CNTNAP2: variants seen among roughly 807,000 people sequenced by gnomAD.
CNTNAP2 encodes the protein contactin-associated protein-like 2.
A neutral mutation model predicts 155.2 loss-of-function variants in CNTNAP2; 98 were observed. The observed-to-expected ratio is 0.63, with a 90% CI of 0.54 to 0.75. The LOEUF is 0.75. Among genes scored for constraint, CNTNAP2 ranks in the 30% least tolerant of loss-of-function variants. The pLI, the probability that CNTNAP2 is intolerant of heterozygous loss-of-function variation, is 0.00. For synonymous variants in CNTNAP2, 651 were observed against 631.2 expected, an observed-to-expected ratio of 1.03 and a Z score of -0.47; for missense variants, 1,727 against 1,688.1, an observed-to-expected ratio of 1.02 and a Z score of -0.40.
intron 1 of CNTNAP2, among the ~76,000 whole-genome samples, chr7:146,483,302 T>TATATATGTATATATATATATATATATAC (rs1797000746): frequency 1.3e-5 from 1 of 74,344 alleles, no homozygotes; most frequent in Non-Finnish European, 2.4e-5. Context: ...TATATATATA[T>TATATATGTATATATATATATATATATAC]ATATATATAT....
chr7:146,451,880 C>CATACGTGTATATATATATACGTATATAT lies in CNTNAP2; in HGVS notation c.98-322390_98-322389insTACGTGTATATATATATACGTATATATA, dbSNP rs71175650. 5.3e-3 allele frequency among the ~76,000 whole-genome samples: 563 copies of CATACGTGTATATATATATACGTATATAT among 106,152 alleles called. 96 individuals carry two copies. The highest frequency in any genetic ancestry group is 0.049 in the African/African-American group (506 of 10,226). The allele number at this position is 106,152 out of a possible 152,430, so 69.6% of individuals were successfully genotyped here. ...CTATATATATATATACGTATATATA[C>CATACGTGTATATATATATACGTATATAT]ACATATACATATATTTATTTATTTA... is the stretch of plus-strand genomic sequence containing the variant. On this transcript the variant is annotated intron_variant, in intron 1 of 23. Coordinates refer to ENST00000361727, the MANE Select transcript of CNTNAP2 (RefSeq NM_014141.6).
intron 1 of CNTNAP2, among the ~76,000 whole-genome samples, chr7:146,434,114 C>G (rs1252336681): frequency 6.6e-6 from 1 of 152,074 alleles, no homozygotes; most frequent in African/African-American, 2.4e-5. Flanking sequence ...ACAAATGATA[C>G]ATGAGGATTA....
intron 4 of CNTNAP2, among the ~76,000 whole-genome samples, chr7:147,046,720 A>G (rs1445978167): frequency 6.6e-6 from 1 of 152,112 alleles, no homozygotes; most frequent in Non-Finnish European, 1.5e-5. Flanking sequence ...CTTACAAATT[A>G]AGATATTTAG....
intron 21 of CNTNAP2, among the ~76,000 whole-genome samples, chr7:148,283,232 T>C (rs1213707552): frequency 4.2e-5 from 2 of 47,976 alleles, no homozygotes; most frequent in African/African-American, 7.5e-5. Flanking sequence ...CAAAAGCAAC[T>C]CTGTCTCAAA....
chr7:148,226,341 C>T (rs947560028), intron 19 of CNTNAP2, among the ~76,000 whole-genome samples: 14 of 152,168 alleles, frequency 9.2e-5, no homozygotes, highest in African/African-American at 3.1e-4. Context: ...GGTAGACACA[C>T]GAGCAGGGCA....
chr7:146,795,101 A>C (rs950256294), intron 2 of CNTNAP2, among the ~76,000 whole-genome samples: 2 of 152,230 alleles, frequency 1.3e-5, no homozygotes, highest in African/African-American at 4.8e-5. Context: ...TAAGTATATG[A>C]ATATAACTAT....
At chr7:146,521,050 C>G (rs981584360) in intron 1 of CNTNAP2, among the ~76,000 whole-genome samples, 1 of 151,862 alleles carries the variant, frequency 6.6e-6, no homozygotes, top group African/African-American at 2.4e-5. Context: ...AGTTCAGGAA[C>G]AAGTGTGGAG....
intron 11 of CNTNAP2, among the ~76,000 whole-genome samples, chr7:147,494,597 A>T (rs1232216708): frequency 6.6e-6 from 1 of 152,156 alleles, no homozygotes; most frequent in Non-Finnish European, 1.5e-5. Flanking sequence ...GGGAACTGGC[A>T]TTATTCATTA....
At chr7:147,958,040 A>G (rs1217361693) in intron 14 of CNTNAP2, among the ~76,000 whole-genome samples, 1 of 152,210 alleles carries the variant, frequency 6.6e-6, no homozygotes, top group Non-Finnish European at 1.5e-5. Flanking sequence ...GCACCACTGT[A>G]CTTTAGCCTA....
At chr7:147,036,393 G>A (rs1053843731) in intron 3 of CNTNAP2, among the ~76,000 whole-genome samples, 1 of 152,098 alleles carries the variant, frequency 6.6e-6, no homozygotes, top group Admixed American at 6.5e-5. Flanking sequence ...CATTGTGGAT[G>A]ACTTACAATA....
rs181751128 is a variant in CNTNAP2, at chr7:147,024,293, G to C, written c.403-19614G>C. 5.9e-5 allele frequency among the ~76,000 whole-genome samples: 9 copies of C among 152,174 alleles called. No individual in the cohort carries two copies. The South Asian group carries it at 1.5e-3, about 25-fold the overall frequency. ...ATCGCAATTGCAATGGTGGTTACAC[G>C]AATCTATGCAACTGGTAAAACCTGT... On this transcript the variant is annotated intron_variant, in intron 3 of 23. Coordinates refer to ENST00000361727, the MANE Select transcript of CNTNAP2 (RefSeq NM_014141.6).
intron 1 of CNTNAP2, among the ~76,000 whole-genome samples, chr7:146,426,299 C>CCA (rs2129115672): frequency 6.6e-6 from 1 of 150,394 alleles, no homozygotes; most frequent in East Asian, 2.0e-4. Flanking sequence ...CACCATGGTA[C>CCA]CAGAGCTCAT....
At chr7:148,012,982 G>C (rs1440534441) in intron 15 of CNTNAP2, among the ~76,000 whole-genome samples, 1 of 152,144 alleles carries the variant, frequency 6.6e-6, no homozygotes, top group Admixed American at 6.6e-5. Flanking sequence ...TTTGTAAACT[G>C]TTAGTTTAAA....
At chr7:147,291,409 T>C (rs1194082823) in intron 8 of CNTNAP2, among the ~76,000 whole-genome samples, 1 of 152,154 alleles carries the variant, frequency 6.6e-6, no homozygotes, top group East Asian at 1.9e-4. Context: ...ATTCATAAAA[T>C]ATGTTATTTT....
intron 1 of CNTNAP2, among the ~76,000 whole-genome samples, chr7:146,711,281 G>T (rs1801066254): frequency 6.9e-6 from 1 of 144,854 alleles, no homozygotes; most frequent in South Asian, 2.1e-4. Context: ...ATATATAATA[G>T]AAAACATAAA....
At chr7:148,133,141 A>G (rs1050106027) in intron 16 of CNTNAP2, among the ~76,000 whole-genome samples, 2 of 151,960 alleles carry the variant, frequency 1.3e-5, no homozygotes, top group African/African-American at 4.8e-5. Flanking sequence ...GTAAAACCCT[A>G]GGTTTCTGCA....
intron 1 of CNTNAP2, among the ~76,000 whole-genome samples, chr7:146,466,116 C>A (rs986922872): frequency 6.6e-6 from 1 of 152,060 alleles, no homozygotes; most frequent in Non-Finnish European, 1.5e-5. Context: ...AAACTAGAAT[C>A]AAAAAGTTGT....
At chr7:146,915,227 G>GTATA (rs1461156995) in intron 3 of CNTNAP2, among the ~76,000 whole-genome samples, 3 of 152,066 alleles carry the variant, frequency 2.0e-5, no homozygotes, top group African/African-American at 7.2e-5. Context: ...TTATAGTATA[G>GTATA]GTTGAAGTAG....
chr7:147,573,144 G>A (rs1326207786), intron 12 of CNTNAP2, among the ~76,000 whole-genome samples: 2 of 152,050 alleles, frequency 1.3e-5, no homozygotes, highest in South Asian at 2.1e-4. Flanking sequence ...ACTTTTCAGT[G>A]CCCCACATAA....
Sources: allele counts gnomAD v4.1 joint callset (sites outside exome capture counted in the v4.1 genomes callset), GRCh38; gene constraint gnomAD v4.1.1; transcripts MANE v1.5; gene names NCBI Gene and HGNC (gene_info 2026-07-23, HGNC 2026-07-21).